Variants in DCN observed in about 807,000 individuals in gnomAD.
DCN encodes the protein bone proteoglycan II.
A neutral mutation model predicts 36.5 loss-of-function variants in DCN; 17 were observed. The ratio of observed to expected loss-of-function variants is 0.47; its 90% CI spans 0.32 to 0.70. DCN has a LOEUF of 0.70. Among genes scored for constraint, DCN ranks in the 30% least tolerant of loss-of-function variants. The probability of loss-of-function intolerance (pLI) is 0.04; values close to 1 mark genes in which losing one functional copy is unlikely to be tolerated. For missense variants in DCN, 389 were observed against 430.1 expected, an observed-to-expected ratio of 0.90 and a Z score of 0.84; for synonymous variants, 163 against 161.4, an observed-to-expected ratio of 1.01 and a Z score of -0.07.
At chr12:91,178,957 G>A (rs3138165) in intron 1 of DCN, among the ~76,000 whole-genome samples, 20,277 of 151,984 alleles carry the variant, frequency 0.13, 2,026 homozygotes, top group African/African-American at 0.28. Context: ...ATCCACATAG[G>A]AGATCTCCAA....
intron 2 of DCN, among the ~76,000 whole-genome samples, chr12:91,166,326 G>A (rs977973987): frequency 5.3e-5 from 8 of 152,064 alleles, no homozygotes; most frequent in Admixed American, 2.0e-4. Context: ...AGTGATGAAC[G>A]GTAAAACACC....
At chr12:91,148,365 G>A (rs1316708867) in intron 7 of DCN, among the ~76,000 whole-genome samples, 1 of 151,990 alleles carries the variant, frequency 6.6e-6, no homozygotes, top group Non-Finnish European at 1.5e-5. Flanking sequence ...GAGCCACTGC[G>A]TCCTGCCACC....
At position 91,143,475 on chromosome 12, in the gene DCN, G is replaced by C. The variant is rs1031251097; in HGVS notation, c.*2583C>G. The C allele has an allele frequency of 1.3e-5, 2 of 152,094 alleles. No homozygotes were observed. Among genetic ancestry groups the C allele is most frequent in the Non-Finnish European group, 2.9e-5 (2 of 68,022 alleles). The allele number at this position is 152,094 out of a possible 1,614,324, so 9.4% of individuals were successfully genotyped here. A position where few individuals can be genotyped will look rare whatever the true frequency, so the allele number is the denominator to read the frequency against. On this transcript the variant is annotated 3_prime_UTR_variant, in exon 8 of 8. Coordinates refer to ENST00000052754, the MANE Select transcript of DCN (RefSeq NM_001920.5). ...TTTGAAATGCAGAATCTCAGACCTC[G>C]ATCCAGAACTGACACATAAGAATTT...
At chr12:91,167,450 G>GAC (rs567637365) in intron 2 of DCN, among the ~76,000 whole-genome samples, 4 of 144,688 alleles carry the variant, frequency 2.8e-5, no homozygotes, top group African/African-American at 5.4e-5. Flanking sequence ...AATTATCTCA[G>GAC]ACACACACAC....
chr12:91,160,836 C>T lies in DCN; in HGVS notation c.325-2327G>A, dbSNP rs555796481. Reference sequence around the variant, plus strand: ...AATATATTAAATGTTGTCATTACCACACTTAATTTTCCATTATTTTATAGA... The same window carrying T: ...AATATATTAAATGTTGTCATTACCATACTTAATTTTCCATTATTTTATAGA... On this transcript the variant is annotated intron_variant, in intron 3 of 7. Transcript: ENST00000052754. Among the ~76,000 whole-genome samples, 12 of 152,222 alleles carry T rather than the reference C, an allele frequency of 7.9e-5. No individual in the cohort carries two copies. The South Asian group carries it at 2.5e-3, about 32-fold the overall frequency.
At position 91,146,123 on chromosome 12, in the gene DCN, TCTCCCAGTA is replaced by T. The variant is rs1398122108; in HGVS notation, c.1006_1014del (p.Tyr336_Glu338del). 2 of 1,613,934 alleles carry T rather than the reference TCTCCCAGTA, an allele frequency of 1.2e-6. No homozygotes were observed. The highest frequency in any genetic ancestry group is 3.3e-5 in the Admixed American group (2 of 59,994). On this transcript the variant is annotated inframe_deletion, in exon 8 of 8. Coordinates refer to ENST00000052754, the MANE Select transcript of DCN (RefSeq NM_001920.5). ...ACACATCTGAAGGTGGATGGCTGTA[TCTCCCAGTA>T]CTGGACCGGGTTGCTGAAAAGACTC...
chr12:91,151,772 C>G lies in DCN; in HGVS notation c.767G>C (p.Ser256Thr). The G allele has an allele frequency of 6.2e-7, 1 of 1,614,054 alleles. No individual in the cohort carries two copies. The highest frequency in any genetic ancestry group is 1.3e-5 in the African/African-American group (1 of 75,034). ...AGAGCCATTGTCAACAGCAGAGATGCTGTTGAAACTCAATCCCAACCTGCA... is the reference window on the plus strand; with the variant it reads ...AGAGCCATTGTCAACAGCAGAGATGGTGTTGAAACTCAATCCCAACCTGCA... ...NLAKLGLSFNSISAVDNGSLA... is the reference protein window; with the variant it reads ...NLAKLGLSFNTISAVDNGSLA... The change falls in exon 7 of 8, where the codon AGC becomes ACC. Residue 256 changes from serine to threonine, a missense_variant. By Grantham distance (58) the Ser-to-Thr change is moderately conservative. Coordinates refer to ENST00000052754, the MANE Select transcript of DCN (RefSeq NM_001920.5).
chr12:91,158,856 G>C (rs1464783858), intron 3 of DCN, among the ~76,000 whole-genome samples: 1 of 152,034 alleles, frequency 6.6e-6, no homozygotes, highest in African/African-American at 2.4e-5. Context: ...CGGCTACTTG[G>C]GAGGCTGAGA....
At chr12:91,169,074 A>T (rs1371306318) in intron 2 of DCN, among the ~76,000 whole-genome samples, 2 of 152,208 alleles carry the variant, frequency 1.3e-5, no homozygotes, top group South Asian at 2.1e-4. Context: ...AAATGAAGAA[A>T]TTGTGAATCT....
chr12:91,172,834 G>A (rs1178676004), intron 2 of DCN: 1 of 662,680 alleles, frequency 1.5e-6, no homozygotes, highest in Non-Finnish European at 2.7e-6. Flanking sequence ...TTGTGTAGAG[G>A]TTGTACGAAG....
chr12:91,151,537 T>A, intron 7 of DCN, 117 bp downstream of exon 7: 2 of 1,117,484 alleles, frequency 1.8e-6, no homozygotes, highest in Non-Finnish European at 2.7e-6. Flanking sequence ...AAATTCTAAC[T>A]AAGACACTCT....
At chr12:91,168,106 C>T (rs1882705446) in intron 2 of DCN, among the ~76,000 whole-genome samples, 5 of 152,174 alleles carry the variant, frequency 3.3e-5, no homozygotes, top group Admixed American at 3.3e-4. Context: ...GCTGGGATTA[C>T]AGGTGTGAGC....
At chr12:91,174,116 T>C (rs766945775) in intron 2 of DCN, among the ~76,000 whole-genome samples, 14 of 152,206 alleles carry the variant, frequency 9.2e-5, no homozygotes, top group Non-Finnish European at 1.9e-4. Context: ...CTTATGATTA[T>C]AAAATAGCCA....
At chr12:91,173,894 G>T (rs562435644) in intron 2 of DCN, among the ~76,000 whole-genome samples, 11 of 152,082 alleles carry the variant, frequency 7.2e-5, no homozygotes, top group Admixed American at 7.2e-4. Flanking sequence ...TTTTTCACCA[G>T]TTCAAGAAAA....
At position 91,143,844 on chromosome 12, in the gene DCN, A is replaced by G. The variant is rs951915480; in HGVS notation, c.*2214T>C. 6 of 148,244 alleles carry G rather than the reference A, an allele frequency of 4.0e-5. No homozygotes were observed. Among genetic ancestry groups the G allele is most frequent in the Non-Finnish European group, 7.4e-5 (5 of 67,254 alleles). The allele number at this position is 148,244 out of a possible 1,614,324, so 9.2% of individuals were successfully genotyped here. A position where few individuals can be genotyped will look rare whatever the true frequency, so the allele number is the denominator to read the frequency against. On this transcript the variant is annotated 3_prime_UTR_variant, in exon 8 of 8. Coordinates refer to ENST00000052754, the MANE Select transcript of DCN (RefSeq NM_001920.5). ...TATATATAAATATATATATATAAAG[A>G]TATATATGTGTGTATATATATAAAG...
In DCN at chr12:91,146,204, A is replaced by G; in HGVS notation, c.934T>C (p.Phe312Leu). Residue 312 changes from phenylalanine to leucine, a missense_variant, in exon 8 of 8, where the codon TTC becomes CTC. Phe to Leu is a conservative substitution (Grantham distance 22, BLOSUM62 0). Coordinates refer to ENST00000052754, the MANE Select transcript of DCN (RefSeq NM_001920.5). ...NNISVVGSSD[F>L]CPPGHNTKKA... ...TTGGTGTTGTGTCCAGGTGGGCAGA[A>G]GTCACTTGATCCAACTACAGAGATA... The G allele has an allele frequency of 6.2e-7, 1 of 1,613,570 alleles. No homozygotes were observed. The highest frequency in any genetic ancestry group is 8.5e-7 in the Non-Finnish European group (1 of 1,179,592).
intron 2 of DCN, among the ~76,000 whole-genome samples, chr12:91,169,391 A>AT: frequency 6.6e-6 from 1 of 151,536 alleles, no homozygotes; most frequent in East Asian, 1.9e-4. Context: ...AAAAAAAAAA[A>AT]AAAAAAAAAA....
intron 3 of DCN, among the ~76,000 whole-genome samples, chr12:91,159,614 G>C (rs1222335383): frequency 1.3e-5 from 2 of 151,082 alleles, no homozygotes; most frequent in East Asian, 1.9e-4. Flanking sequence ...TATGTGTAAA[G>C]GTTTTATATG....
At chr12:91,177,762 A>G in intron 2 of DCN, 1 of 691,836 alleles carries the variant, frequency 1.4e-6, no homozygotes, top group Non-Finnish European at 2.6e-6. Context: ...AAGCAGCTGG[A>G]TTACAAAATG....
Sources: allele counts gnomAD v4.1 joint callset (sites outside exome capture counted in the v4.1 genomes callset), GRCh38; gene constraint gnomAD v4.1.1; transcripts MANE v1.5; gene names NCBI Gene and HGNC (gene_info 2026-07-23, HGNC 2026-07-21).